The following TRHR variants were observed in gnomAD, a reference collection of about 807,000 sequenced individuals.
TRHR encodes thyrotropin-releasing hormone receptor.
In TRHR, 14 loss-of-function variants were observed where a neutral mutation model predicts 28.0. The ratio of observed to expected loss-of-function variants is 0.50; its 90% CI spans 0.33 to 0.78. TRHR has a LOEUF of 0.78. TRHR is among the 30% of genes least tolerant of loss of function. TRHR has a pLI of 0.02. For synonymous variants in TRHR, 176 were observed against 171.9 expected, an observed-to-expected ratio of 1.02 and a Z score of -0.18; for missense variants, 438 against 469.5, an observed-to-expected ratio of 0.93 and a Z score of 0.62.
intron 2 of TRHR, among the ~76,000 whole-genome samples, chr8:109,118,236 C>G (rs1014495994): frequency 3.3e-5 from 5 of 151,816 alleles, no homozygotes; most frequent in African/African-American, 1.2e-4. Context: ...GGTACAATAC[C>G]TATTTTAGGA....
At chr8:109,112,971 G>A (rs962741098) in intron 2 of TRHR, among the ~76,000 whole-genome samples, 1 of 152,084 alleles carries the variant, frequency 6.6e-6, no homozygotes, top group Admixed American at 6.6e-5. Flanking sequence ...TAATTTCAGA[G>A]AATTCAACAA....
intron 2 of TRHR, among the ~76,000 whole-genome samples, chr8:109,116,002 T>C (rs999751847): frequency 6.6e-6 from 1 of 152,192 alleles, no homozygotes; most frequent in Non-Finnish European, 1.5e-5. Flanking sequence ...TTGAGAGTTT[T>C]TAGCATGAAG....
chr8:109,106,202 C>G (rs989795356), intron 2 of TRHR, among the ~76,000 whole-genome samples: 5 of 151,990 alleles, frequency 3.3e-5, no homozygotes, highest in African/African-American at 1.2e-4. Flanking sequence ...CCTAAAAATA[C>G]CAATTTATAA....
Sources: allele counts gnomAD v4.1 joint callset (sites outside exome capture counted in the v4.1 genomes callset), GRCh38; gene constraint gnomAD v4.1.1; transcripts MANE v1.5; gene names NCBI Gene and HGNC (gene_info 2026-07-23, HGNC 2026-07-21).